MBD2: variants seen among roughly 807,000 people sequenced by gnomAD.
MBD2 encodes methyl-CpG-binding domain protein 2.
A neutral mutation model predicts 39.3 loss-of-function variants in MBD2; 9 were observed. That is an observed-to-expected ratio of 0.23 (90% confidence interval 0.14 to 0.40). The LOEUF (loss-of-function observed/expected upper bound fraction) is 0.40. Ranked by LOEUF, MBD2 falls within the 10% of genes least tolerant of loss-of-function variation. The pLI is 1.00. For synonymous variants in MBD2, 233 were observed against 211.1 expected (o/e 1.10, Z -0.90); for missense variants, 458 against 532.6 (o/e 0.86, Z 1.38).
intron 2 of MBD2, among the ~76,000 whole-genome samples, chr18:54,199,524 C>T (rs929358858): frequency 1.3e-5 from 2 of 152,110 alleles, no homozygotes; most frequent in African/African-American, 4.8e-5. Context: ...AAAGTGTGAC[C>T]TGAGAATTCC....
At chr18:54,169,084 G>T (rs1378433952) in intron 3 of MBD2, among the ~76,000 whole-genome samples, 1 of 152,174 alleles carries the variant, frequency 6.6e-6, no homozygotes, top group African/African-American at 2.4e-5. Flanking sequence ...TATAGGGAAG[G>T]TTGCCCCAGA....
intron 3 of MBD2, among the ~76,000 whole-genome samples, chr18:54,184,566 C>A (rs2086271949): frequency 1.3e-5 from 2 of 152,136 alleles, no homozygotes; most frequent in Admixed American, 1.3e-4. Flanking sequence ...TGGTACAACC[C>A]TTTGGAATCA....
intron 3 of MBD2, among the ~76,000 whole-genome samples, chr18:54,175,159 G>A (rs1026039216): frequency 1.3e-5 from 2 of 152,212 alleles, no homozygotes; most frequent in Non-Finnish European, 2.9e-5. Context: ...AGAACAAAGT[G>A]AACTGACCAG....
chr18:54,173,191 C>T (rs2086190146), intron 3 of MBD2, among the ~76,000 whole-genome samples: 2 of 152,130 alleles, frequency 1.3e-5, no homozygotes. Context: ...TCTTCCTCCC[C>T]TCCTCCAGGC....
intron 2 of MBD2, chr18:54,202,992 C>T (rs2086419815): frequency 9.6e-7 from 1 of 1,041,538 alleles, no homozygotes; most frequent in Non-Finnish European, 1.5e-6. Context: ...AGGAGTTCAC[C>T]AGATGAAGGG....
Position 54,221,868 on chromosome 18 carries a change from C to A in MBD2, c.542+2150G>T, listed in dbSNP as rs115306064. On this transcript the variant is annotated intron_variant, in intron 1 of 6. Coordinates refer to ENST00000256429, the MANE Select transcript of MBD2 (RefSeq NM_003927.5). Reference sequence around the variant, plus strand: ...AATGAGCACTACAACAATCTGACTTCTTGAAATAACTTTTCCAACTACAAG... The same window carrying A: ...AATGAGCACTACAACAATCTGACTTATTGAAATAACTTTTCCAACTACAAG... 5.0e-3 allele frequency among the ~76,000 whole-genome samples: 765 copies of A among 152,320 alleles called. 8 individuals carry two copies. The highest frequency in any genetic ancestry group is 0.017 in the African/African-American group (697 of 41,564).
intron 1 of MBD2, among the ~76,000 whole-genome samples, chr18:54,208,447 G>A (rs1160535294): frequency 1.3e-5 from 2 of 152,154 alleles, no homozygotes; most frequent in African/African-American, 4.8e-5. Context: ...AGCCGAGATG[G>A]CGCCACTACA....
At chr18:54,213,088 G>A (rs1344674625) in intron 1 of MBD2, among the ~76,000 whole-genome samples, 1 of 132,226 alleles carries the variant, frequency 7.6e-6, no homozygotes, top group Non-Finnish European at 1.6e-5. Context: ...ATGGGGGCGG[G>A]GGGGGGGATT....
intron 5 of MBD2, among the ~76,000 whole-genome samples, chr18:54,164,296 T>C (rs945258773): frequency 6.6e-6 from 1 of 152,196 alleles, no homozygotes; most frequent in Non-Finnish European, 1.5e-5. Flanking sequence ...GACAGGACCA[T>C]GACGATACCC....
chr18:54,159,543 G>T (rs1459012316), intron 6 of MBD2, among the ~76,000 whole-genome samples: 5 of 151,718 alleles, frequency 3.3e-5, no homozygotes, highest in Admixed American at 1.3e-4. Flanking sequence ...TCAGCCTCCT[G>T]AGTAGCTGGA....
Position 54,224,651 on chromosome 18 carries a change from G to A in MBD2, c.-92C>T. On this transcript the variant is annotated 5_prime_UTR_variant, in exon 1 of 7. Transcript: ENST00000256429. Reference sequence around the variant, plus strand: ...CCCCGCCCGCAGCGCGGCGCGCGGGGGACGCGCGCAAGCATCATAGAGCGG... The same window carrying A: ...CCCCGCCCGCAGCGCGGCGCGCGGGAGACGCGCGCAAGCATCATAGAGCGG... 1 of 957,936 alleles carries A rather than the reference G, an allele frequency of 1.0e-6. No homozygotes were observed. Among genetic ancestry groups the A allele is most frequent in the Non-Finnish European group, 1.4e-6 (1 of 738,054 alleles). 59.3% of individuals were successfully genotyped at this position (957,936 alleles called of 1,614,324 possible). A position where few individuals can be genotyped will look rare whatever the true frequency, so the allele number is the denominator to read the frequency against.
At chr18:54,165,330 G>T (rs550694775) in intron 4 of MBD2, among the ~76,000 whole-genome samples, 1 of 152,210 alleles carries the variant, frequency 6.6e-6, no homozygotes, top group Non-Finnish European at 1.5e-5. Flanking sequence ...GTAAGATACT[G>T]GTACCATGGT....
At chr18:54,213,201 G>A (rs760653284) in intron 1 of MBD2, among the ~76,000 whole-genome samples, 14 of 152,078 alleles carry the variant, frequency 9.2e-5, no homozygotes, top group Non-Finnish European at 1.8e-4. Flanking sequence ...GCCACTGACC[G>A]TGGCCCGTTA....
intron 3 of MBD2, among the ~76,000 whole-genome samples, chr18:54,183,482 GTA>G (rs1317124368): frequency 6.6e-6 from 1 of 152,182 alleles, no homozygotes; most frequent in African/African-American, 2.4e-5. Flanking sequence ...CAAAGAAAGT[GTA>G]GAGTCAAAGA....
intron 3 of MBD2, among the ~76,000 whole-genome samples, chr18:54,173,700 G>A: frequency 6.6e-6 from 1 of 152,098 alleles, no homozygotes; most frequent in East Asian, 1.9e-4. Context: ...TTTCTCATTG[G>A]GAGGAACAGA....
At chr18:54,221,295 A>C (rs1419759928) in intron 1 of MBD2, among the ~76,000 whole-genome samples, 2 of 151,758 alleles carry the variant, frequency 1.3e-5, no homozygotes, top group African/African-American at 4.8e-5. Flanking sequence ...GTCTCTACTA[A>C]AAGATACAAA....
At chr18:54,197,728 C>T (rs971468259) in intron 2 of MBD2, among the ~76,000 whole-genome samples, 7 of 152,238 alleles carry the variant, frequency 4.6e-5, no homozygotes, top group South Asian at 2.1e-4. Context: ...TCCACGGGCA[C>T]GCGTCTAGAT....
At chr18:54,188,805 G>C in intron 3 of MBD2, 69 bp downstream of exon 3, 1 of 1,465,840 alleles carries the variant, frequency 6.8e-7, no homozygotes, top group Non-Finnish European at 9.3e-7. Flanking sequence ...GAATTTATTT[G>C]AATTATTTCT....
chr18:54,198,856 A>ATAAT (rs1458105495), intron 2 of MBD2, among the ~76,000 whole-genome samples: 3 of 152,220 alleles, frequency 2.0e-5, no homozygotes, highest in African/African-American at 7.2e-5. Context: ...AAAAATAACC[A>ATAAT]TAATGTTCTT....
Sources: allele counts gnomAD v4.1 joint callset (sites outside exome capture counted in the v4.1 genomes callset), GRCh38; gene constraint gnomAD v4.1.1; transcripts MANE v1.5; gene names NCBI Gene and HGNC (gene_info 2026-07-23, HGNC 2026-07-21).